SPEG: variants seen among roughly 807,000 people sequenced by gnomAD.
The protein encoded by SPEG is striated muscle preferentially expressed protein kinase.
SPEG carries 114 observed loss-of-function variants against 300.4 expected under a neutral mutation model. That is an observed-to-expected ratio of 0.38 (90% CI 0.33 to 0.44). The LOEUF (loss-of-function observed/expected upper bound fraction) is 0.44, where lower values mean the gene tolerates loss of function less well. Ranked by LOEUF, SPEG falls within the 20% of genes least tolerant of loss-of-function variation. The pLI, the probability that SPEG is intolerant of heterozygous loss-of-function variation, is 1.00. For synonymous variants in SPEG, 1,964 were observed against 2,018.9 expected (o/e 0.97, Z 0.73); for missense variants, 4,201 against 4,586.2 (o/e 0.92, Z 2.43).
At chr2:219,461,635 C>T (rs550749060) in intron 6 of SPEG, 2 of 903,080 alleles carry the variant, frequency 2.2e-6, no homozygotes, top group Admixed American at 7.3e-5. Context: ...CCAGGCCTTT[C>T]CCTATGGTGT....
chr2:219,470,629 G>A (rs955311568), intron 13 of SPEG, among the ~76,000 whole-genome samples: 4 of 152,184 alleles, frequency 2.6e-5, no homozygotes, highest in Admixed American at 6.5e-5. Context: ...AGAAGGGAAG[G>A]GTGTCTAGGG....
rs981408619 is a variant in SPEG, at chr2:219,477,577, G to A, written c.4730-112G>A. On this transcript the variant is annotated intron_variant, in intron 20 of 40. Coordinates refer to ENST00000312358, the MANE Select transcript of SPEG (RefSeq NM_005876.5). This position sits in a 1 kb window ranked among gnomAD's most constrained non-coding sequence, Gnocchi z 6.4. ...CCCCCAGCCCAGCACCCCGCCTTGA[G>A]CCCCCAACATTCTTGCACCTCTTCT... 2.8e-5 allele frequency: 38 copies of A among 1,361,094 alleles called. No individual in the cohort carries two copies. Among genetic ancestry groups the A allele is most frequent in the Non-Finnish European group, 1.0e-6 (1 of 1,001,672 alleles). 84.3% of individuals were successfully genotyped at this position (1,361,094 alleles called of 1,614,324 possible).
chr2:219,444,659 A>C lies in SPEG; in HGVS notation c.395A>C (p.Glu132Ala). ...VLTVLEVGDS[E>A]TAEDDISDVQ... is the part of the protein sequence containing the mutation. ...CAGACCCCTTCTTCTCCAGACTCAGAGACGGCTGAGGATGACATCAGCGAT... is the reference window on the plus strand; with the variant it reads ...CAGACCCCTTCTTCTCCAGACTCAGCGACGGCTGAGGATGACATCAGCGAT... Residue 132 changes from glutamate (E) to alanine (A), a missense_variant, in exon 2 of 41, where the codon GAG becomes GCG. This residue lies in a region of SPEG where 1,258 missense variants were observed against 1,293.9 expected (regional missense o/e 0.97). Transcript: ENST00000312358. This position sits in a 1 kb window ranked among gnomAD's most constrained non-coding sequence, Gnocchi z 7.8. 6.2e-7 allele frequency: 1 copy of C among 1,613,984 alleles called. No homozygotes were observed. The highest frequency in any genetic ancestry group is 1.1e-5 in the South Asian group (1 of 91,080).
intron 9 of SPEG, chr2:219,466,301 A>T: frequency 7.0e-7 from 1 of 1,419,022 alleles, no homozygotes; most frequent in Non-Finnish European, 9.2e-7. Flanking sequence ...GGAGGCCCAC[A>T]GATGGACTGA....
chr2:219,464,393 G>A lies in SPEG; in HGVS notation c.2706-40G>A, dbSNP rs759502296. The A allele has an allele frequency of 1.3e-6, 2 of 1,581,938 alleles. No homozygotes were observed. Among genetic ancestry groups the A allele is most frequent in the Admixed American group, 3.4e-5 (2 of 58,504 alleles). Reference sequence around the variant, plus strand: ...CCCAGTTCCTGTGCACGCACATCAGGCCCCTGGGCCCTGGGACTGAGTTCT... The same window carrying A: ...CCCAGTTCCTGTGCACGCACATCAGACCCCTGGGCCCTGGGACTGAGTTCT... On this transcript the variant is annotated intron_variant, in intron 8 of 40. Transcript: ENST00000312358. The surrounding 1 kb of genome is among the most constrained non-coding windows in gnomAD (Gnocchi z 4.5).
At chr2:219,456,693 A>G (rs1690208007) in intron 6 of SPEG, among the ~76,000 whole-genome samples, 1 of 152,026 alleles carries the variant, frequency 6.6e-6, no homozygotes. Flanking sequence ...GTGGATCATG[A>G]GGTCAGGAGT....
intron 10 of SPEG, among the ~76,000 whole-genome samples, chr2:219,468,154 T>C (rs1691544879): frequency 6.6e-6 from 1 of 152,188 alleles, no homozygotes; most frequent in Non-Finnish European, 1.5e-5. Context: ...GGGCATCTGC[T>C]CTGGGTCTGG....
chr2:219,486,511 G>A (rs1348940309), intron 31 of SPEG, among the ~76,000 whole-genome samples: 1 of 152,144 alleles, frequency 6.6e-6, no homozygotes, highest in African/African-American at 2.4e-5. Flanking sequence ...AGGGCTGCTG[G>A]TGGGGAGGGG....
intron 30 of SPEG, 37 bp downstream of exon 30, chr2:219,485,109 G>A (rs1233307810): frequency 1.4e-5 from 22 of 1,525,646 alleles, no homozygotes; most frequent in East Asian, 7.4e-5. Context: ...AGGTGCAGAG[G>A]AGGGTGGGGT....
At position 219,448,027 on chromosome 2, in the gene SPEG, T is replaced by A; in HGVS notation, c.869T>A (p.Leu290Gln). Residue 290 changes from leucine to glutamine, a missense_variant, in exon 4 of 41, where the codon CTG becomes CAG. Leu to Gln is a moderately radical substitution (Grantham distance 113). Around this residue, in one of 4 missense-constraint regions of SPEG, gnomAD observed 1,258 missense variants for 1,293.9 expected, o/e 0.97. Coordinates refer to ENST00000312358, the MANE Select transcript of SPEG (RefSeq NM_005876.5). ...RREEPDLQPQ[L>Q]ASEAPRRPAQ... ...GAGGAGCCCGACCTTCAGCCTCAAC[T>A]GGCCAGCGAAGCCCCACGCCGCCCT... is the stretch of plus-strand genomic sequence containing the variant. The A allele has an allele frequency of 6.2e-7, 1 of 1,612,298 alleles. No individual in the cohort carries two copies. The highest frequency in any genetic ancestry group is 8.5e-7 in the Non-Finnish European group (1 of 1,179,852).
At chr2:219,453,343 T>C (rs1395294822) in intron 6 of SPEG, among the ~76,000 whole-genome samples, 2 of 152,248 alleles carry the variant, frequency 1.3e-5, no homozygotes, top group Non-Finnish European at 1.5e-5. Context: ...AAACCGGAGA[T>C]AATGACACCG....
At chr2:219,482,703 A>G (rs1388090810) in intron 28 of SPEG, 81 bp from the exon 29 acceptor site, 1 of 1,295,036 alleles carries the variant, frequency 7.7e-7, no homozygotes, top group East Asian at 2.4e-5. Context: ...ACCCCGCCCC[A>G]TGGACTTTGT....
intron 6 of SPEG, chr2:219,461,122 C>T (rs552589539): frequency 3.2e-5 from 29 of 897,504 alleles, no homozygotes; most frequent in East Asian, 2.4e-4. Context: ...GAGACTGGGA[C>T]CCTGGCCAGT....
intron 1 of SPEG, among the ~76,000 whole-genome samples, chr2:219,440,149 G>A (rs1030165462): frequency 2.6e-5 from 4 of 152,276 alleles, no homozygotes; most frequent in Non-Finnish European, 5.9e-5. Flanking sequence ...TTGGAATGCC[G>A]AGGCAGGAGA....
chr2:219,468,459 C>T, intron 10 of SPEG, 119 bp from the exon 11 acceptor site: 1 of 1,162,520 alleles, frequency 8.6e-7, no homozygotes, highest in Non-Finnish European at 1.2e-6. Context: ...GTACCCAGAG[C>T]CTTTGCTGGG....
chr2:219,484,288 C>A lies in SPEG; in HGVS notation c.6825C>A (p.His2275Gln). The stretch of plus-strand genomic sequence containing the variant: ...CGCCGCCTTCAGAGCCCAAGCCCCA[C>A]GCTGCTGTCTTTGCCAGGGTGGCCT... The part of the protein sequence containing the change: ...PAAPPSEPKP[H>Q]AAVFARVASP... The change falls in exon 30 of 41, where the codon CAC becomes CAA. Residue 2275 changes from histidine (H) to glutamine (Q), a missense_variant. By Grantham distance (24) the His-to-Gln change is conservative. Coordinates refer to ENST00000312358, the MANE Select transcript of SPEG (RefSeq NM_005876.5). The A allele has an allele frequency of 1.2e-6, 2 of 1,607,824 alleles. No individual in the cohort carries two copies. The highest frequency in any genetic ancestry group is 1.7e-6 in the Non-Finnish European group (2 of 1,179,452).
Position 219,469,014 on chromosome 2 carries a change from G to A in SPEG, c.3457G>A (p.Val1153Ile), listed in dbSNP as rs776187729. The A allele has an allele frequency of 3.1e-6, 5 of 1,613,630 alleles. No individual in the cohort carries two copies. The Admixed American group carries it at 8.3e-5, about 27-fold the overall frequency. Residue 1153 changes from valine (V) to isoleucine (I), a missense_variant, in exon 12 of 41, where the codon GTA (valine) becomes ATA (isoleucine). Transcript: ENST00000312358. ...GGCCCACTGCTCAGCCCAGCTGTAT[G>A]TAGAAGAGCCCCGGACAGCCGCCTC... is the stretch of plus-strand genomic sequence containing the variant. Reference protein sequence around the residue: ...GQAHCSAQLYVEEPRTAASGP... With the variant: ...GQAHCSAQLYIEEPRTAASGP...
Position 219,483,898 on chromosome 2 carries a change from G to C in SPEG, c.6435G>C (p.Ala2145=), listed in dbSNP as rs1201357953. Residue 2145 remains alanine, a synonymous_variant, in exon 30 of 41, where the codon GCG becomes GCC. Transcript: ENST00000312358. ...AGCCCCGGGGCCGGCACCGCCGAGC[G>C]GGGGCGCCCCTCGAGATCCCCGTGG... ...EAEPRGRHRR[A]GAPLEIPVAR... is the part of the protein sequence containing the mutation. The C allele has an allele frequency of 6.2e-7, 1 of 1,600,506 alleles. No individual in the cohort carries two copies. The highest frequency in any genetic ancestry group is 8.5e-7 in the Non-Finnish European group (1 of 1,178,436).
chr2:219,480,807 C>A lies in SPEG; in HGVS notation c.5369+110C>A, dbSNP rs1313164248. 1.9e-6 allele frequency: 2 copies of A among 1,026,472 alleles called. No homozygotes were observed. The highest frequency in any genetic ancestry group is 1.5e-6 in the Non-Finnish European group (1 of 654,890). 63.6% of individuals were successfully genotyped at this position (1,026,472 alleles called of 1,614,324 possible). A position where few individuals can be genotyped will look rare whatever the true frequency, so the allele number is the denominator to read the frequency against. On this transcript the variant is annotated intron_variant, in intron 26 of 40. Transcript: ENST00000312358. The surrounding 1 kb of genome is among the most constrained non-coding windows in gnomAD (Gnocchi z 5.3). ...TCCGCACCCCCCACTCCTTCTTGCA[C>A]TGCAAGGAGCCTCATGTGCATGAAG... is the stretch of plus-strand genomic sequence containing the variant.
Sources: allele counts gnomAD v4.1 joint callset (sites outside exome capture counted in the v4.1 genomes callset), GRCh38; gene constraint gnomAD v4.1.1; regional missense constraint gnomAD v4.1.1; non-coding constraint Gnocchi (gnomAD v3.1); transcripts MANE v1.5; gene names NCBI Gene and HGNC (gene_info 2026-07-23, HGNC 2026-07-21).